Variants in ARHGEF10L observed in about 807,000 individuals in gnomAD.
The protein encoded by ARHGEF10L is rho guanine nucleotide exchange factor 10-like protein.
In ARHGEF10L, 69 loss-of-function variants were observed where a neutral mutation model predicts 141.2. The ratio of observed to expected loss-of-function variants is 0.49; its 90% CI spans 0.40 to 0.60. ARHGEF10L has a LOEUF of 0.60. Ranked by LOEUF, ARHGEF10L falls within the 20% of genes least tolerant of loss-of-function variation. The pLI is 0.00. For synonymous variants in ARHGEF10L, 711 were observed against 718.5 expected, an observed-to-expected ratio of 0.99 and a Z score of 0.17; for missense variants, 1,482 against 1,734.3, an observed-to-expected ratio of 0.85 and a Z score of 2.58.
chr1:17,678,569 G>A (rs771787806), intron 26 of ARHGEF10L, among the ~76,000 whole-genome samples: 169 of 152,098 alleles, frequency 1.1e-3, no homozygotes, highest in African/African-American at 3.7e-3. Context: ...ACAGGCATGC[G>A]CCACCACCCC....
At chr1:17,642,056 G>A (rs1346979445) in intron 21 of ARHGEF10L, among the ~76,000 whole-genome samples, 1 of 152,098 alleles carries the variant, frequency 6.6e-6, no homozygotes, top group Admixed American at 6.6e-5. Flanking sequence ...GGAAAAAACT[G>A]TTGAGACTCT....
At chr1:17,557,548 T>G (rs4920616) in intron 1 of ARHGEF10L, among the ~76,000 whole-genome samples, 16,844 of 152,058 alleles carry the variant, frequency 0.11, 1,326 homozygotes, top group East Asian at 0.4. Context: ...TTGAACAAAA[T>G]AGGAATTCCT....
chr1:17,519,558 C>CGT, the ARHGEF10L span, among the ~76,000 whole-genome samples: 4 of 151,790 alleles, frequency 2.6e-5, no homozygotes, highest in Admixed American at 1.3e-4. Flanking sequence ...TGTAGTGAGC[C>CGT]GTGATCTGAT....
At position 17,654,368 on chromosome 1, in the gene ARHGEF10L, GA is replaced by G. The variant is rs1215529934; in HGVS notation, c.2395-265del. On this transcript the variant is annotated intron_variant, in intron 22 of 28. Coordinates refer to ENST00000361221, the MANE Select transcript of ARHGEF10L (RefSeq NM_018125.4). This position sits in a 1 kb window ranked among gnomAD's most constrained non-coding sequence, Gnocchi z 4.3. The stretch of plus-strand genomic sequence containing the variant: ...GGGTGGCTTTCAAGAAATCTTATCT[GA>G]AAGCTGCTCACTTTCAGAGACCCTG... Among the ~76,000 whole-genome samples the G allele has an allele frequency of 6.6e-6, 1 of 152,128 alleles. No individual in the cohort carries two copies. Among genetic ancestry groups the G allele is most frequent in the Non-Finnish European group, 1.5e-5 (1 of 68,044 alleles).
At chr1:17,526,856 A>G in the ARHGEF10L span, among the ~76,000 whole-genome samples, 1 of 151,768 alleles carries the variant, frequency 6.6e-6, no homozygotes, top group African/African-American at 2.4e-5. Flanking sequence ...GTGAGCCAAG[A>G]TCACACCACT....
chr1:17,601,242 T>C (rs1408370672), intron 4 of ARHGEF10L, among the ~76,000 whole-genome samples: 3 of 152,110 alleles, frequency 2.0e-5, no homozygotes, highest in Non-Finnish European at 4.4e-5. Flanking sequence ...TGACGTCTTA[T>C]CAGGACACAT....
Position 17,683,392 on chromosome 1 carries a change from C to T in ARHGEF10L, c.3010-4181C>T, listed in dbSNP as rs1312202106. Reference sequence around the variant, plus strand: ...CGGGGTGCTCACTGCCCCCTGCTCTCACCGGGGTGCTCACTGCCTCCTGCT... The same window carrying T: ...CGGGGTGCTCACTGCCCCCTGCTCTTACCGGGGTGCTCACTGCCTCCTGCT... On this transcript the variant is annotated intron_variant, in intron 26 of 28. Transcript: ENST00000361221. Among the ~76,000 whole-genome samples the T allele has an allele frequency of 6.1e-5, 9 of 146,412 alleles. 1 individual carries two copies. The East Asian group carries it at 1.8e-3, about 29-fold the overall frequency.
chr1:17,680,875 C>T (rs1257477150), intron 26 of ARHGEF10L, among the ~76,000 whole-genome samples: 1 of 151,704 alleles, frequency 6.6e-6, no homozygotes, highest in Non-Finnish European at 1.5e-5. Flanking sequence ...TTTCTGCCTC[C>T]CGGGTTCAAG....
chr1:17,601,059 AAAAAAAAAAC>A (rs1438204564), intron 4 of ARHGEF10L, among the ~76,000 whole-genome samples: 27 of 149,136 alleles, frequency 1.8e-4, no homozygotes, highest in African/African-American at 6.6e-4. Flanking sequence ...CAAAAAAAAA[AAAAAAAAAAC>A]AAAAAACAAA....
chr1:17,562,574 C>G (rs775712493), intron 1 of ARHGEF10L, among the ~76,000 whole-genome samples: 1 of 152,232 alleles, frequency 6.6e-6, no homozygotes, highest in Non-Finnish European at 1.5e-5. Context: ...TTATTCCTGG[C>G]TAGTGAGAGC....
intron 1 of ARHGEF10L, among the ~76,000 whole-genome samples, chr1:17,541,586 T>C (rs781434301): frequency 7.2e-5 from 11 of 152,166 alleles, no homozygotes; most frequent in African/African-American, 2.4e-5. Context: ...ATCCCAGCAC[T>C]TTGGGAGGCC....
rs1435282886 is a variant in ARHGEF10L, at chr1:17,607,136, G to A, written c.434-666G>A. Among the ~76,000 whole-genome samples the A allele has an allele frequency of 6.6e-6, 1 of 152,160 alleles. No individual in the cohort carries two copies. The highest frequency in any genetic ancestry group is 1.5e-5 in the Non-Finnish European group (1 of 68,026). On this transcript the variant is annotated intron_variant, in intron 6 of 28. Coordinates refer to ENST00000361221, the MANE Select transcript of ARHGEF10L (RefSeq NM_018125.4). This position sits in a 1 kb window ranked among gnomAD's most constrained non-coding sequence, Gnocchi z 4.5. ...CTGAGGATGCTGAGGGCCTGAGCCA[G>A]GACTTGGCTCCGGGTCTTCTCTTTT...
chr1:17,626,535 G>A (rs968933718), intron 14 of ARHGEF10L, among the ~76,000 whole-genome samples: 2 of 152,172 alleles, frequency 1.3e-5, no homozygotes, highest in Admixed American at 1.3e-4. Context: ...CCAGGCTGAG[G>A]GGTCCGGTGG....
At chr1:17,636,586 C>G (rs2061015564) in intron 18 of ARHGEF10L, among the ~76,000 whole-genome samples, 1 of 152,232 alleles carries the variant, frequency 6.6e-6, no homozygotes, top group Non-Finnish European at 1.5e-5. Flanking sequence ...CTGTGGGGAT[C>G]TGCATTTCCC....
At chr1:17,560,785 G>A (rs958993719) in intron 1 of ARHGEF10L, among the ~76,000 whole-genome samples, 3 of 152,246 alleles carry the variant, frequency 2.0e-5, no homozygotes, top group African/African-American at 2.4e-5. Flanking sequence ...GGCTGGTCTC[G>A]AACTCCTGAT....
intron 16 of ARHGEF10L, 52 bp downstream of exon 16, chr1:17,632,518 C>T (rs1335449166): frequency 1.2e-6 from 2 of 1,610,426 alleles, no homozygotes; most frequent in Non-Finnish European, 8.5e-7. Flanking sequence ...GAGACCCCAT[C>T]CCGCCCTACT....
chr1:17,536,229 C>T (rs979636159), upstream of ARHGEF10L, among the ~76,000 whole-genome samples: 5 of 152,156 alleles, frequency 3.3e-5, no homozygotes, highest in South Asian at 2.1e-4. Flanking sequence ...CCTGTAATCC[C>T]GGCACTTTGG....
At chr1:17,580,676 A>AGGGGGCCGCT (rs775677911) in intron 2 of ARHGEF10L, 44 bp downstream of exon 2, 3 of 1,613,356 alleles carry the variant, frequency 1.9e-6, no homozygotes, top group African/African-American at 2.7e-5. Flanking sequence ...CTTTCTTAGA[A>AGGGGGCCGCT]GGGGGCCGCT....
At chr1:17,624,035 G>C (rs1304126322) in intron 12 of ARHGEF10L, among the ~76,000 whole-genome samples, 14 of 152,208 alleles carry the variant, frequency 9.2e-5, no homozygotes, top group Non-Finnish European at 2.1e-4. Flanking sequence ...TCCTGAACGT[G>C]AATGCAGTAG....
Sources: gnomAD v4.1 joint callset for allele counts (sites outside exome capture counted in the v4.1 genomes callset) on GRCh38, gnomAD v4.1.1 for gene constraint, Gnocchi (gnomAD v3.1) non-coding constraint, MANE v1.5 for transcripts, NCBI Gene and HGNC (gene_info 2026-07-23, HGNC 2026-07-21) for gene names.